The following RPRD1A variants were observed in gnomAD, a reference collection of about 807,000 sequenced individuals.
The protein encoded by RPRD1A is regulation of nuclear pre-mRNA domain-containing protein 1A.
In RPRD1A, 9 loss-of-function variants were observed where a neutral mutation model predicts 37.8. The observed-to-expected ratio is 0.24, with a 90% CI of 0.14 to 0.42. The LOEUF (loss-of-function observed/expected upper bound fraction) is 0.42, where lower values mean the gene tolerates loss of function less well. Ranked by LOEUF, RPRD1A falls within the 10% of genes least tolerant of loss-of-function variation. The pLI is 1.00. For missense variants in RPRD1A, 255 were observed against 371.0 expected (o/e 0.69, Z 2.57); for synonymous variants, 138 against 139.7 (o/e 0.99, Z 0.08).
chr18:36,034,827 T>A (rs1912076124), intron 1 of RPRD1A, among the ~76,000 whole-genome samples: 1 of 152,206 alleles, frequency 6.6e-6, no homozygotes. Context: ...TTTACAAATT[T>A]AAGCATTTGA....
chr18:36,006,015 G>C (rs1230093687), intron 6 of RPRD1A, among the ~76,000 whole-genome samples: 2 of 152,070 alleles, frequency 1.3e-5, no homozygotes, highest in Admixed American at 6.5e-5. Context: ...GTGCCTCACT[G>C]TTCTCATTTA....
rs1908640717 is a variant in RPRD1A, at chr18:35,990,168, T to G, written c.*2983A>C. 6.6e-6 allele frequency: 1 copy of G among 152,228 alleles called. No homozygotes were observed. Among genetic ancestry groups the G allele is most frequent in the Non-Finnish European group, 1.5e-5 (1 of 68,040 alleles). 9.4% of individuals were successfully genotyped at this position (152,228 alleles called of 1,614,324 possible). On this transcript the variant is annotated 3_prime_UTR_variant, in exon 7 of 7. Transcript: ENST00000399022. ...AGTAGCTTTATGTTATTTCAGATAA[T>G]GTAATTTTTTTAATGAAAAATTCAG...
rs113141003 is a variant in RPRD1A, at chr18:36,009,178, T to A, written c.790-15878A>T. Among the ~76,000 whole-genome samples, 14 of 152,330 alleles carry A rather than the reference T, an allele frequency of 9.2e-5. 1 individual carries two copies. The highest frequency in any genetic ancestry group is 2.6e-4 in the African/African-American group (11 of 41,564). ...ACCTTTACTTAAAGTACAGACTGTA[T>A]GAATAACCTACTTGGGCCGTCAGTA... On this transcript the variant is annotated intron_variant, in intron 6 of 6. Coordinates refer to ENST00000399022, the MANE Select transcript of RPRD1A (RefSeq NM_018170.5).
intron 6 of RPRD1A, among the ~76,000 whole-genome samples, chr18:36,002,858 T>C (rs1272083392): frequency 1.3e-5 from 2 of 152,196 alleles, no homozygotes; most frequent in African/African-American, 2.4e-5. Context: ...AGTTAGGCGT[T>C]AGACTGTGTA....
Position 36,030,829 on chromosome 18 carries a change from T to A in RPRD1A, c.465A>T (p.Gly155=). ...CTACCTGTGGTGGTTCACTTGGAGATCCCAGAGAGGAACAGTTTTCATTTT... is the reference window on the plus strand; with the variant it reads ...CTACCTGTGGTGGTTCACTTGGAGAACCCAGAGAGGAACAGTTTTCATTTT... ...VDENENCSSL[G]SPSEPPQTLD... Residue 155 remains glycine, a synonymous_variant, in exon 4 of 7, where the codon GGA becomes GGT. Coordinates refer to ENST00000399022, the MANE Select transcript of RPRD1A (RefSeq NM_018170.5). 1 of 1,612,448 alleles carries A rather than the reference T, an allele frequency of 6.2e-7. No homozygotes were observed. Among genetic ancestry groups the A allele is most frequent in the Non-Finnish European group, 8.5e-7 (1 of 1,178,808 alleles).
chr18:36,033,519 A>C (rs1472828159), intron 2 of RPRD1A, among the ~76,000 whole-genome samples, 189 bp downstream of exon 2: 1 of 152,130 alleles, frequency 6.6e-6, no homozygotes, highest in Admixed American at 6.6e-5. Context: ...ACAGTTCAAA[A>C]AATATTTTTC....
chr18:36,042,986 G>A (rs964239512), intron 1 of RPRD1A, among the ~76,000 whole-genome samples: 2 of 151,986 alleles, frequency 1.3e-5, no homozygotes, highest in African/African-American at 4.8e-5. Context: ...AATGCACAAA[G>A]AAATCATTAA....
chr18:36,065,600 G>T (rs1385916171), intron 1 of RPRD1A, among the ~76,000 whole-genome samples: 1 of 152,222 alleles, frequency 6.6e-6, no homozygotes, highest in African/African-American at 2.4e-5. Context: ...TTCCTAGAAA[G>T]AAAACTGCTA....
intron 6 of RPRD1A, among the ~76,000 whole-genome samples, chr18:36,022,523 T>C (rs1911062640): frequency 6.6e-6 from 1 of 152,256 alleles, no homozygotes; most frequent in African/African-American, 2.4e-5. Context: ...AATGTTCATT[T>C]ACCATTCTGA....
intron 6 of RPRD1A, among the ~76,000 whole-genome samples, chr18:36,006,794 CAACCTAACAATCCTAG>C (rs916655950): frequency 2.6e-5 from 4 of 152,146 alleles, no homozygotes; most frequent in Non-Finnish European, 4.4e-5. Flanking sequence ...AGGCTAAGCC[CAACCTAACAATCCTAG>C]AACCTGACAA....
At chr18:35,993,877 G>C (rs562186251) in intron 6 of RPRD1A, among the ~76,000 whole-genome samples, 1 of 152,298 alleles carries the variant, frequency 6.6e-6, no homozygotes, top group Non-Finnish European at 1.5e-5. Flanking sequence ...AGATAGAGCA[G>C]GGAAGAGCCT....
At chr18:36,021,890 A>G (rs1911020276) in intron 6 of RPRD1A, among the ~76,000 whole-genome samples, 1 of 152,042 alleles carries the variant, frequency 6.6e-6, no homozygotes, top group Non-Finnish European at 1.5e-5. Context: ...ACTTCCAGCT[A>G]CTCAGGAGGC....
chr18:36,021,226 G>C (rs1910972046), intron 6 of RPRD1A, among the ~76,000 whole-genome samples: 1 of 152,122 alleles, frequency 6.6e-6, no homozygotes, highest in African/African-American at 2.4e-5. Flanking sequence ...ACACTTTCAA[G>C]ATACTGTGTT....
chr18:36,015,252 G>A (rs1382476565), intron 6 of RPRD1A, among the ~76,000 whole-genome samples: 3 of 136,476 alleles, frequency 2.2e-5, no homozygotes, highest in Admixed American at 7.9e-5. Context: ...CCACTCTGTC[G>A]CCCAGGCTAG....
intron 6 of RPRD1A, among the ~76,000 whole-genome samples, chr18:35,994,387 A>T (rs1465426699): frequency 6.6e-6 from 1 of 152,244 alleles, no homozygotes; most frequent in Non-Finnish European, 1.5e-5. Flanking sequence ...GAACCAAACC[A>T]ACAGTAGTAA....
intron 1 of RPRD1A, among the ~76,000 whole-genome samples, chr18:36,045,496 AG>A (rs1384490373): frequency 6.6e-6 from 1 of 152,216 alleles, no homozygotes; most frequent in Non-Finnish European, 1.5e-5. Context: ...TTGCATTTTC[AG>A]TAAGTTCTCA....
intron 6 of RPRD1A, among the ~76,000 whole-genome samples, chr18:36,001,911 C>G (rs1467264896): frequency 6.6e-6 from 1 of 152,156 alleles, no homozygotes; most frequent in Non-Finnish European, 1.5e-5. Flanking sequence ...ATATATAATT[C>G]TAAGTTGGTG....
chr18:36,050,504 G>C (rs546628165), intron 1 of RPRD1A, among the ~76,000 whole-genome samples: 239 of 151,738 alleles, frequency 1.6e-3, no homozygotes, highest in Non-Finnish European at 2.7e-3. Context: ...ACTTCTCAGA[G>C]ACTAATAGCC....
At chr18:36,025,177 G>A (rs1387143162) in intron 6 of RPRD1A, 1 of 152,990 alleles carries the variant, frequency 6.5e-6, no homozygotes, top group Non-Finnish European at 1.5e-5. Flanking sequence ...TGGCTCTGGA[G>A]GCAGATTCTC....
Sources: gnomAD v4.1 joint callset for allele counts (sites outside exome capture counted in the v4.1 genomes callset) on GRCh38, gnomAD v4.1.1 for gene constraint, MANE v1.5 for transcripts, NCBI Gene and HGNC (gene_info 2026-07-23, HGNC 2026-07-21) for gene names.